Variants in SDHAF3 observed in about 807,000 individuals in gnomAD.
The protein encoded by SDHAF3 is succinate dehydrogenase assembly factor 3, mitochondrial.
In SDHAF3, 18 loss-of-function variants were observed where a neutral mutation model predicts 11.5. The ratio of observed to expected loss-of-function variants is 1.56; its 90% CI spans 1.08 to 2.32. The LOEUF (loss-of-function observed/expected upper bound fraction) is 2.32. Ranked by LOEUF, SDHAF3 falls within the 30% of genes most tolerant of loss-of-function variation. The pLI, the probability that SDHAF3 is intolerant of heterozygous loss-of-function variation, is 0.00. For missense variants in SDHAF3, 200 were observed against 154.4 expected (o/e 1.30, Z -1.57); for synonymous variants, 72 against 59.3 (o/e 1.21, Z -0.99).
intron 1 of SDHAF3, among the ~76,000 whole-genome samples, chr7:97,142,079 T>G (rs6961807): frequency 7.8e-6 from 1 of 128,678 alleles, no homozygotes; most frequent in African/African-American, 3.0e-5. Flanking sequence ...TTTGAGACAG[T>G]GTCTCGCCCT....
chr7:97,170,452 T>G (rs1228907533), intron 1 of SDHAF3, among the ~76,000 whole-genome samples: 1 of 152,194 alleles, frequency 6.6e-6, no homozygotes, highest in African/African-American at 2.4e-5. Context: ...TTATTGTTTC[T>G]GGGAACTTTG....
At chr7:97,149,125 GGGTCTCACTATGTTACCCA>G (rs1266822282) in intron 1 of SDHAF3, among the ~76,000 whole-genome samples, 1 of 151,740 alleles carries the variant, frequency 6.6e-6, no homozygotes. Context: ...GTAGAGACAT[GGGTCTCACTATGTTACCCA>G]GGTTTTGGTC....
chr7:97,131,542 C>G (rs1281315411), intron 1 of SDHAF3, among the ~76,000 whole-genome samples: 1 of 152,058 alleles, frequency 6.6e-6, no homozygotes, highest in Non-Finnish European at 1.5e-5. Context: ...CCTTAGTTGT[C>G]TCAAGAGGGA....
chr7:97,172,791 G>A (rs1789621791), intron 1 of SDHAF3, among the ~76,000 whole-genome samples: 1 of 152,060 alleles, frequency 6.6e-6, no homozygotes, highest in South Asian at 2.1e-4. Context: ...TGTCTTACTT[G>A]GATTTTAAAA....
At chr7:97,163,661 A>G (rs527426327) in intron 1 of SDHAF3, among the ~76,000 whole-genome samples, 76 of 152,100 alleles carry the variant, frequency 5.0e-4, no homozygotes, top group Non-Finnish European at 9.6e-4. Flanking sequence ...ATTTGAGGTT[A>G]ATATATTTAT....
chr7:97,154,174 G>C (rs1390226324), intron 1 of SDHAF3, among the ~76,000 whole-genome samples: 1 of 139,516 alleles, frequency 7.2e-6, no homozygotes, highest in Admixed American at 8.5e-5. Context: ...TCTTAAGGGT[G>C]GGGGAGATTA....
chr7:97,141,959 G>A (rs1279215234), intron 1 of SDHAF3, among the ~76,000 whole-genome samples: 1 of 148,684 alleles, frequency 6.7e-6, no homozygotes, highest in Non-Finnish European at 1.5e-5. Flanking sequence ...AGAAAAATGA[G>A]TGATTATTTT....
intron 1 of SDHAF3, chr7:97,135,083 A>C (rs73233823): frequency 0.4 from 59,404 of 148,946 alleles, 11,854 homozygotes; most frequent in East Asian, 0.49. Context: ...TTTTCCCCCC[A>C]AGGAACTTTA....
intron 1 of SDHAF3, among the ~76,000 whole-genome samples, chr7:97,124,082 T>C: frequency 6.6e-6 from 1 of 152,230 alleles, no homozygotes; most frequent in Non-Finnish European, 1.5e-5. Context: ...CATGCCTATG[T>C]CCTGAATGGT....
chr7:97,172,846 T>C (rs193092713), intron 1 of SDHAF3, among the ~76,000 whole-genome samples: 2 of 152,312 alleles, frequency 1.3e-5, no homozygotes, highest in East Asian at 1.9e-4. Context: ...TTAAGAAATA[T>C]TTCTAGAAAC....
intron 1 of SDHAF3, among the ~76,000 whole-genome samples, chr7:97,135,875 G>A (rs1026252220): frequency 1.3e-5 from 2 of 151,128 alleles, no homozygotes; most frequent in Admixed American, 6.6e-5. Flanking sequence ...TTTTAGTAGA[G>A]ACGGGGTTTC....
In SDHAF3 at chr7:97,141,474, C is replaced by CTT. The variant is rs1789040040; in HGVS notation, c.174+23580_174+23581dup. 2.6e-5 allele frequency among the ~76,000 whole-genome samples: 4 copies of CTT among 152,100 alleles called. No individual in the cohort carries two copies. In the South Asian group the frequency reaches 8.3e-4, roughly 32 times the overall value. On this transcript the variant is annotated intron_variant, in intron 1 of 1. Transcript: ENST00000432641. ...GGACACCCAGCTTTAAAATTTCTCT[C>CTT]TTTTGTACTCTTTCCCTTTATTTCT...
At position 97,161,400 on chromosome 7, in the gene SDHAF3, A is replaced by T. The variant is rs947371247; in HGVS notation, c.175-19612A>T. The stretch of plus-strand genomic sequence containing the variant: ...CTGTTTGGTTGGGATTACACAAAGA[A>T]TGATTACAACAGTAAGTTTCTCTGC... On this transcript the variant is annotated intron_variant, in intron 1 of 1. Coordinates refer to ENST00000432641, the MANE Select transcript of SDHAF3 (RefSeq NM_020186.3). Among the ~76,000 whole-genome samples the T allele has an allele frequency of 3.3e-5, 5 of 152,202 alleles. No homozygotes were observed. In the East Asian group the frequency reaches 9.6e-4, roughly 29 times the overall value.
At chr7:97,144,077 C>T (rs1462107052) in intron 1 of SDHAF3, among the ~76,000 whole-genome samples, 1 of 152,120 alleles carries the variant, frequency 6.6e-6, no homozygotes, top group Non-Finnish European at 1.5e-5. Flanking sequence ...TTGCATTTCC[C>T]TGATCATTAG....
intron 1 of SDHAF3, among the ~76,000 whole-genome samples, chr7:97,164,007 G>A (rs1268735624): frequency 1.3e-5 from 2 of 151,804 alleles, no homozygotes; most frequent in East Asian, 3.9e-4. Context: ...GAATGCAGTG[G>A]CGCGATCGCA....
intron 1 of SDHAF3, among the ~76,000 whole-genome samples, chr7:97,155,450 G>C (rs1020180776): frequency 3.9e-5 from 6 of 152,044 alleles, no homozygotes; most frequent in Non-Finnish European, 8.8e-5. Flanking sequence ...TTTAGACTTA[G>C]CTTAGATGGC....
At chr7:97,151,124 G>C (rs1562826087) in intron 1 of SDHAF3, among the ~76,000 whole-genome samples, 1 of 152,082 alleles carries the variant, frequency 6.6e-6, no homozygotes, top group South Asian at 2.1e-4. Context: ...TACAATAGAT[G>C]AACAAACTGT....
chr7:97,126,932 G>T (rs114299721), intron 1 of SDHAF3, among the ~76,000 whole-genome samples: 5,518 of 152,110 alleles, frequency 0.036, 322 homozygotes, highest in African/African-American at 0.13. Flanking sequence ...GGCCTTGGTG[G>T]TGTAGACACA....
At chr7:97,172,589 G>A (rs951677679) in intron 1 of SDHAF3, among the ~76,000 whole-genome samples, 3 of 152,018 alleles carry the variant, frequency 2.0e-5, no homozygotes, top group African/African-American at 7.2e-5. Context: ...AGTTATATAA[G>A]GAATTTTATG....
Sources: gnomAD v4.1 joint callset for allele counts (sites outside exome capture counted in the v4.1 genomes callset) on GRCh38, gnomAD v4.1.1 for gene constraint, MANE v1.5 for transcripts, NCBI Gene and HGNC (gene_info 2026-07-23, HGNC 2026-07-21) for gene names.